The following ATAD2B variants were observed in gnomAD, a reference collection of about 807,000 sequenced individuals.
ATAD2B encodes the protein ATPase family AAA domain containing 2B.
Under a neutral mutation model 167.6 loss-of-function variants are expected in ATAD2B, and 40 were observed. That is an observed-to-expected ratio of 0.24 (90% CI 0.19 to 0.31). The LOEUF (loss-of-function observed/expected upper bound fraction) is 0.31, where lower values mean the gene tolerates loss of function less well. Among genes scored for constraint, ATAD2B ranks in the 10% least tolerant of loss-of-function variants. ATAD2B has a pLI of 1.00. For synonymous variants in ATAD2B, 579 were observed against 596.5 expected, an observed-to-expected ratio of 0.97 and a Z score of 0.43; for missense variants, 1,242 against 1,757.2, an observed-to-expected ratio of 0.71 and a Z score of 5.24.
chr2:23,759,949 A>G (rs987016973), intron 24 of ATAD2B, among the ~76,000 whole-genome samples: 2 of 152,216 alleles, frequency 1.3e-5, no homozygotes, highest in Non-Finnish European at 2.9e-5. Flanking sequence ...TCCTGACACC[A>G]TAACCTCTCT....
chr2:23,702,845 C>G, the ATAD2B span, among the ~76,000 whole-genome samples: 1 of 152,234 alleles, frequency 6.6e-6, no homozygotes, highest in Non-Finnish European at 1.5e-5. Context: ...AAAGCAAATG[C>G]TCAGTCCAGC....
the ATAD2B span, among the ~76,000 whole-genome samples, chr2:23,742,387 A>G: frequency 6.6e-6 from 1 of 151,878 alleles, no homozygotes; most frequent in Non-Finnish European, 1.5e-5. Flanking sequence ...AAAAATGATG[A>G]GTTCATGTCC....
the ATAD2B span, among the ~76,000 whole-genome samples, chr2:23,698,502 C>T: frequency 7.9e-5 from 12 of 151,964 alleles, no homozygotes. Flanking sequence ...GGCTTTGTTC[C>T]CCAGGAAGCA....
rs1388606594 is a variant in ATAD2B, at chr2:23,880,628, G to C, written c.901+11C>G. On this transcript the variant is annotated intron_variant, in intron 7 of 27. Coordinates refer to ENST00000238789, the MANE Select transcript of ATAD2B (RefSeq NM_017552.4). ...CTACCAGAAAGAAAAAAGTTATTTA[G>C]AGTTGCCTACCTATTGGAGGTGCTT... The C allele has an allele frequency of 6.8e-7, 1 of 1,473,116 alleles. No individual in the cohort carries two copies. Among genetic ancestry groups the C allele is most frequent in the Non-Finnish European group, 9.3e-7 (1 of 1,070,270 alleles). The allele number at this position is 1,473,116 out of a possible 1,614,324, so 91.3% of individuals were successfully genotyped here. A position where few individuals can be genotyped will look rare whatever the true frequency, so the allele number is the denominator to read the frequency against.
At chr2:23,746,414 AAT>A (rs1425397744), downstream of ATAD2B, among the ~76,000 whole-genome samples, 3 of 152,234 alleles carry the variant, frequency 2.0e-5, no homozygotes, top group East Asian at 5.8e-4. Flanking sequence ...TAGCACTCAG[AAT>A]AGTCTCCAGC....
At chr2:23,849,849 G>C (rs1453198696) in intron 13 of ATAD2B, among the ~76,000 whole-genome samples, 1 of 152,006 alleles carries the variant, frequency 6.6e-6, no homozygotes, top group Non-Finnish European at 1.5e-5. Flanking sequence ...CCCCACAAAA[G>C]AGTCTGCTTA....
chr2:23,819,924 A>G, intron 16 of ATAD2B, 42 bp from the exon 17 acceptor site: 1 of 1,430,206 alleles, frequency 7.0e-7, no homozygotes, highest in Non-Finnish European at 9.5e-7. Flanking sequence ...TTATAAAGTC[A>G]TTTAATATTC....
At chr2:23,735,553 T>C in the ATAD2B span, among the ~76,000 whole-genome samples, 1 of 152,216 alleles carries the variant, frequency 6.6e-6, no homozygotes, top group Non-Finnish European at 1.5e-5. Context: ...CTTCCATGGC[T>C]TGAAGCTCAT....
At chr2:23,722,775 AT>A in the ATAD2B span, among the ~76,000 whole-genome samples, 105 of 152,288 alleles carry the variant, frequency 6.9e-4, no homozygotes, top group Middle Eastern at 6.8e-3. Context: ...AAGACACATT[AT>A]AATAAAATTG....
At chr2:23,754,077 G>T in intron 27 of ATAD2B, 102 bp downstream of exon 27, 1 of 906,808 alleles carries the variant, frequency 1.1e-6, no homozygotes, top group Non-Finnish European at 1.5e-6. Context: ...TCAGCTACTT[G>T]GTAAAAGACA....
At chr2:23,904,105 T>G (rs1010956399) in intron 1 of ATAD2B, among the ~76,000 whole-genome samples, 3 of 151,724 alleles carry the variant, frequency 2.0e-5, no homozygotes, top group African/African-American at 4.8e-5. Flanking sequence ...CACCTCTGAG[T>G]TGAAGTGAGT....
At chr2:23,914,688 A>G (rs1702785740) in intron 1 of ATAD2B, among the ~76,000 whole-genome samples, 2 of 151,842 alleles carry the variant, frequency 1.3e-5, no homozygotes, top group African/African-American at 2.4e-5. Flanking sequence ...AAATACCAAA[A>G]AAAATTAGCC....
chr2:23,872,224 A>G (rs1696097599), intron 8 of ATAD2B: 1 of 377,430 alleles, frequency 2.6e-6, no homozygotes. Context: ...CACTCTGTCA[A>G]CCCAGGCTGG....
At chr2:23,796,620 CTCTT>C (rs759764875) in intron 19 of ATAD2B, among the ~76,000 whole-genome samples, 33 of 152,284 alleles carry the variant, frequency 2.2e-4, no homozygotes, top group Non-Finnish European at 4.0e-4. Context: ...TTTAACTCTT[CTCTT>C]TCTTTTTATA....
intron 19 of ATAD2B, among the ~76,000 whole-genome samples, chr2:23,795,607 G>A (rs1024449054): frequency 7.2e-5 from 11 of 152,222 alleles, no homozygotes; most frequent in African/African-American, 1.7e-4. Context: ...CAGGCTAGGC[G>A]CAGTGGCTCA....
chr2:23,767,494 G>A (rs1382296809), intron 22 of ATAD2B, among the ~76,000 whole-genome samples: 1 of 152,116 alleles, frequency 6.6e-6, no homozygotes, highest in Non-Finnish European at 1.5e-5. Flanking sequence ...TGCTTTTTGA[G>A]GTACTGAAAC....
the ATAD2B span, among the ~76,000 whole-genome samples, chr2:23,725,460 A>G: frequency 5.1e-4 from 77 of 152,332 alleles, no homozygotes; most frequent in African/African-American, 1.8e-3. Flanking sequence ...GGAAGCAAAA[A>G]TTATAACCTT....
chr2:23,739,971 G>A, the ATAD2B span, among the ~76,000 whole-genome samples: 17 of 152,056 alleles, frequency 1.1e-4, no homozygotes, highest in African/African-American at 3.9e-4. Context: ...TAAATTCCTC[G>A]ACACATACAT....
At chr2:23,920,792 C>T (rs140524645) in intron 1 of ATAD2B, among the ~76,000 whole-genome samples, 35 of 152,226 alleles carry the variant, frequency 2.3e-4, no homozygotes, top group African/African-American at 8.4e-4. Context: ...AACTTTTTAT[C>T]CAAAAATTCC....
Sources: gnomAD v4.1 joint callset for allele counts (sites outside exome capture counted in the v4.1 genomes callset) on GRCh38, gnomAD v4.1.1 for gene constraint, MANE v1.5 for transcripts, NCBI Gene and HGNC (gene_info 2026-07-23, HGNC 2026-07-21) for gene names.